PRH1: variants seen among roughly 807,000 people sequenced by gnomAD.
PRH1 encodes the protein salivary acidic proline-rich phosphoprotein 1/2.
PRH1 carries 7 observed loss-of-function variants against 7.9 expected under a neutral mutation model. The observed-to-expected ratio is 0.89, with a 90% CI of 0.50 to 1.67. PRH1 has a LOEUF of 1.67. Among genes scored for constraint, PRH1 ranks in the 40% most tolerant of loss-of-function variants. The probability of loss-of-function intolerance (pLI) is 0.00; values close to 1 mark genes in which losing one functional copy is unlikely to be tolerated. For missense variants in PRH1, 109 were observed against 223.6 expected (o/e 0.49, Z 3.27); for synonymous variants, 45 against 80.8 (o/e 0.56, Z 2.38).
intron 1 of PRH1, among the ~76,000 whole-genome samples, chr12:11,009,284 G>A (rs954526686): frequency 5.3e-5 from 8 of 151,530 alleles, no homozygotes; most frequent in Non-Finnish European, 8.8e-5. Flanking sequence ...TTAGAATGTG[G>A]CTCTTTTTAA....
At chr12:10,932,819 C>G (rs140572226) in intron 2 of PRH1, among the ~76,000 whole-genome samples, 1 of 151,634 alleles carries the variant, frequency 6.6e-6, no homozygotes, top group Non-Finnish European at 1.5e-5. Context: ...AGGGCAATTG[C>G]GTGTGAAAAT....
intron 1 of PRH1, among the ~76,000 whole-genome samples, chr12:11,139,202 AT>A (rs1186406367): frequency 1.3e-5 from 2 of 152,098 alleles, no homozygotes; most frequent in Non-Finnish European, 2.9e-5. Context: ...CTTTTTTAAC[AT>A]TTTTTTATTG....
intron 1 of PRH1, among the ~76,000 whole-genome samples, chr12:10,987,866 C>A (rs911813453): frequency 4.6e-5 from 7 of 151,980 alleles, no homozygotes; most frequent in African/African-American, 1.5e-4. Flanking sequence ...TTTGCAGTAT[C>A]CTCCCACCAT....
intron 1 of PRH1, among the ~76,000 whole-genome samples, chr12:11,026,864 A>AT (rs1157172653): frequency 6.6e-6 from 1 of 152,212 alleles, no homozygotes; most frequent in Admixed American, 6.5e-5. Context: ...AATCAAAACA[A>AT]TTTGCCTTGT....
At chr12:11,139,554 A>G (rs953303284) in intron 1 of PRH1, among the ~76,000 whole-genome samples, 3 of 152,346 alleles carry the variant, frequency 2.0e-5, no homozygotes, top group East Asian at 1.9e-4. Flanking sequence ...ATTATTATCT[A>G]TGTAGCTCAA....
chr12:10,887,212 G>T (rs1297107896), upstream of PRH1, among the ~76,000 whole-genome samples: 10 of 152,248 alleles, frequency 6.6e-5, no homozygotes, highest in Non-Finnish European at 1.3e-4. Context: ...ACTAAAGATG[G>T]TTTGCCAGGA....
At chr12:10,936,117 A>G (rs1950284029) in intron 2 of PRH1, among the ~76,000 whole-genome samples, 1 of 151,874 alleles carries the variant, frequency 6.6e-6, no homozygotes, top group Admixed American at 6.6e-5. Context: ...GCTCTCTGCT[A>G]TTGCTCTCCT....
intron 2 of PRH1, among the ~76,000 whole-genome samples, chr12:10,909,791 A>AAT (rs1479357605): frequency 5.3e-5 from 8 of 152,230 alleles, no homozygotes; most frequent in African/African-American, 1.7e-4. Context: ...AGCTTTATAA[A>AAT]ATATGCAAAG....
upstream of PRH1, among the ~76,000 whole-genome samples, chr12:10,886,515 C>A (rs1200077344): frequency 6.6e-6 from 1 of 152,126 alleles, no homozygotes; most frequent in East Asian, 1.9e-4. Flanking sequence ...CTAGACACAT[C>A]AAAAACAGAG....
At chr12:10,945,999 C>G (rs1190285758) in intron 2 of PRH1, among the ~76,000 whole-genome samples, 1 of 152,126 alleles carries the variant, frequency 6.6e-6, no homozygotes, top group Non-Finnish European at 1.5e-5. Flanking sequence ...TGCTGTTATC[C>G]TGTTCTTTTT....
At chr12:11,085,506 C>T in intron 1 of PRH1, among the ~76,000 whole-genome samples, 1 of 118,986 alleles carries the variant, frequency 8.4e-6, no homozygotes, top group East Asian at 2.1e-4. Flanking sequence ...AGGTCCTGAC[C>T]TTAATTTCTA....
At chr12:11,014,464 G>A (rs1941203173) in intron 1 of PRH1, among the ~76,000 whole-genome samples, 1 of 152,140 alleles carries the variant, frequency 6.6e-6, no homozygotes, top group South Asian at 2.1e-4. Flanking sequence ...ACTGATGACA[G>A]CATCAGCTTC....
rs145544212 is a variant in PRH1 at position 11,168,092 on chromosome 12, T to C, written n.39+3330A>G. ...AGGTTTGAGGGGAGAAAAAGAAAAG[T>C]CTTTCTTGAAATATGGAAATAAGAG... On this transcript the variant is annotated intron_variant and non_coding_transcript_variant, in intron 1 of 1. Transcript: ENST00000541175. 4.9e-4 allele frequency among the ~76,000 whole-genome samples: 74 copies of C among 150,266 alleles called. No individual in the cohort carries two copies. In the East Asian group the frequency reaches 0.014, roughly 28 times the overall value.
chr12:11,102,261 G>C (rs369847290), intron 1 of PRH1, among the ~76,000 whole-genome samples: 1 of 152,096 alleles, frequency 6.6e-6, no homozygotes, highest in African/African-American at 2.4e-5. Flanking sequence ...AAGAACAAAG[G>C]TGGAGGCATC....
At chr12:11,026,616 C>A (rs1394094815) in intron 1 of PRH1, among the ~76,000 whole-genome samples, 1 of 152,020 alleles carries the variant, frequency 6.6e-6, no homozygotes, top group Non-Finnish European at 1.5e-5. Flanking sequence ...CGTGACAAAA[C>A]ACTTGAAAGT....
At chr12:11,123,654 C>A (rs1945994802) in intron 1 of PRH1, among the ~76,000 whole-genome samples, 1 of 152,110 alleles carries the variant, frequency 6.6e-6, no homozygotes, top group Non-Finnish European at 1.5e-5. Context: ...TCTTACAGAA[C>A]TCCAGAAGTA....
intron 2 of PRH1, among the ~76,000 whole-genome samples, chr12:10,963,946 G>A (rs1044682): frequency 6.6e-6 from 1 of 151,950 alleles, no homozygotes; most frequent in Non-Finnish European, 1.5e-5. Flanking sequence ...ATTAGAATGC[G>A]CATACCATCC....
chr12:10,981,086 G>C (rs1020558673), intron 1 of PRH1, among the ~76,000 whole-genome samples: 3 of 152,128 alleles, frequency 2.0e-5, no homozygotes, highest in African/African-American at 4.8e-5. Context: ...AGTTCTCAGG[G>C]CTGAGCCAAT....
chr12:11,018,729 A>G (rs375474109), intron 1 of PRH1, among the ~76,000 whole-genome samples: 437 of 100,510 alleles, frequency 4.3e-3, no homozygotes, highest in South Asian at 9.3e-3. Flanking sequence ...AGCAGTTGTA[A>G]AAGTGGCCAC....
Sources: allele counts gnomAD v4.1 joint callset (sites outside exome capture counted in the v4.1 genomes callset), GRCh38; gene constraint gnomAD v4.1.1; transcripts MANE v1.5; gene names NCBI Gene and HGNC (gene_info 2026-07-23, HGNC 2026-07-21).